The following RAB21 variants were observed in gnomAD, a reference collection of about 807,000 sequenced individuals.
The protein encoded by RAB21 is RAB21, member RAS oncogene family, also known as ras-related protein Rab-21.
Under a neutral mutation model 33.1 loss-of-function variants are expected in RAB21, and 13 were observed. The ratio of observed to expected loss-of-function variants is 0.39; its 90% CI spans 0.26 to 0.62. RAB21 has a LOEUF of 0.62. Ranked by LOEUF, RAB21 falls within the 20% of genes least tolerant of loss-of-function variation. RAB21 has a pLI of 0.48. For missense variants in RAB21, 234 were observed against 279.1 expected, an observed-to-expected ratio of 0.84 and a Z score of 1.15; for synonymous variants, 91 against 103.7, an observed-to-expected ratio of 0.88 and a Z score of 0.74.
At chr12:71,761,027 A>T (rs1416885315) in intron 1 of RAB21, among the ~76,000 whole-genome samples, 5 of 151,590 alleles carry the variant, frequency 3.3e-5, no homozygotes, top group Non-Finnish European at 5.9e-5. Flanking sequence ...TAATGTAGCA[A>T]GAGTCCATCT....
chr12:71,779,610 G>A (rs17110270), intron 4 of RAB21, among the ~76,000 whole-genome samples: 5,779 of 152,284 alleles, frequency 0.038, 169 homozygotes, highest in South Asian at 0.11. Context: ...TATATCATTA[G>A]GCCATTTGCC....
rs1057455295 is a variant in RAB21, at chr12:71,799,696, A to C, written c.*14023A>C. The C allele has an allele frequency of 6.6e-6, 1 of 152,240 alleles. No individual in the cohort carries two copies. The highest frequency in any genetic ancestry group is 1.5e-5 in the Non-Finnish European group (1 of 68,036). The allele number at this position is 152,240 out of a possible 1,614,324, so 9.4% of individuals were successfully genotyped here. ...CAACAGGAATATTAAGTTTTTAAAA[A>C]AAGCCAGGGCAGAACAGTCTGTATA... On this transcript the variant is annotated 3_prime_UTR_variant, in exon 7 of 7. Coordinates refer to ENST00000261263, the MANE Select transcript of RAB21 (RefSeq NM_014999.4).
At position 71,796,664 on chromosome 12, in the gene RAB21, TCC is replaced by T. The variant is rs1269475832; in HGVS notation, c.*10995_*10996del. The T allele has an allele frequency of 2.2e-5, 3 of 136,650 alleles. 1 individual carries two copies. Among genetic ancestry groups the T allele is most frequent in the African/African-American group, 8.9e-5 (3 of 33,724 alleles). 8.5% of individuals were successfully genotyped at this position (136,650 alleles called of 1,614,324 possible). A position where few individuals can be genotyped will look rare whatever the true frequency, so the allele number is the denominator to read the frequency against. ...AATTTTAAGCTTTACTGGTCATTTG[TCC>T]CCCTCATGTTGTACCTAATAAGTGT... On this transcript the variant is annotated 3_prime_UTR_variant, in exon 7 of 7. Transcript: ENST00000261263.
rs903206471 is a variant in RAB21, at chr12:71,778,965, T to A, written c.392-3066T>A. 9.8e-5 allele frequency among the ~76,000 whole-genome samples: 15 copies of A among 152,328 alleles called. No homozygotes were observed. The East Asian group carries it at 2.9e-3, about 29-fold the overall frequency. ...AGTTTGTATTACCTGTCATGGACTTTAATTGTCTTACAACAATATTGACTT... is the reference window on the plus strand; with the variant it reads ...AGTTTGTATTACCTGTCATGGACTTAAATTGTCTTACAACAATATTGACTT... On this transcript the variant is annotated intron_variant, in intron 4 of 6. Coordinates refer to ENST00000261263, the MANE Select transcript of RAB21 (RefSeq NM_014999.4).
chr12:71,777,007 G>A (rs77405694), intron 4 of RAB21, among the ~76,000 whole-genome samples: 6,485 of 152,176 alleles, frequency 0.043, 331 homozygotes, highest in East Asian at 0.13. Context: ...TGCAATAAAC[G>A]AATTTTTCTT....
chr12:71,775,119 C>G (rs575452818), intron 4 of RAB21, among the ~76,000 whole-genome samples: 1 of 152,174 alleles, frequency 6.6e-6, no homozygotes, highest in African/African-American at 2.4e-5. Context: ...TTTTGGACTT[C>G]TGGAATTTCT....
chr12:71,756,786 G>A (rs1445582563), intron 1 of RAB21, among the ~76,000 whole-genome samples: 4 of 152,188 alleles, frequency 2.6e-5, no homozygotes, highest in Non-Finnish European at 5.9e-5. Context: ...AGTAACAATA[G>A]CTAACATTTA....
chr12:71,777,598 CTTGGCATAGAGGTAAACAT>C (rs1252734700), intron 4 of RAB21, among the ~76,000 whole-genome samples: 1 of 152,132 alleles, frequency 6.6e-6, no homozygotes, highest in Non-Finnish European at 1.5e-5. Flanking sequence ...TTGAAAAATA[CTTGGCATAGAGGTAAACAT>C]TTGACAAGAA....
intron 4 of RAB21, among the ~76,000 whole-genome samples, chr12:71,779,743 G>A (rs1292225847): frequency 6.6e-6 from 1 of 152,130 alleles, no homozygotes; most frequent in Non-Finnish European, 1.5e-5. Flanking sequence ...ATTTGTTTAT[G>A]TTTTTAATTC....
rs1333977023 is a variant in RAB21, at chr12:71,798,688, TAATC to T, written c.*13018_*13021del. The T allele has an allele frequency of 1.3e-4, 20 of 152,220 alleles. No individual in the cohort carries two copies. Among genetic ancestry groups the T allele is most frequent in the African/African-American group, 4.1e-4 (17 of 41,462 alleles). The allele number at this position is 152,220 out of a possible 1,614,324, so 9.4% of individuals were successfully genotyped here. A position where few individuals can be genotyped will look rare whatever the true frequency, so the allele number is the denominator to read the frequency against. The stretch of plus-strand genomic sequence containing the variant: ...CTGAGATACCAGTTTTTTAACCTAT[TAATC>T]AAGAAAGACTTTTTAGTTTTATAAA... On this transcript the variant is annotated 3_prime_UTR_variant, in exon 7 of 7. Transcript: ENST00000261263.
chr12:71,780,285 A>T (rs1471339130), intron 4 of RAB21, among the ~76,000 whole-genome samples: 1 of 152,194 alleles, frequency 6.6e-6, no homozygotes, highest in Non-Finnish European at 1.5e-5. Flanking sequence ...CCTAGAAAAA[A>T]ATTCCATAGG....
chr12:71,766,451 T>C (rs997443468), intron 1 of RAB21, among the ~76,000 whole-genome samples: 11 of 152,146 alleles, frequency 7.2e-5, no homozygotes, highest in African/African-American at 2.7e-4. Context: ...GGGTAACAAT[T>C]ATCTCTGACT....
rs555374836 is a variant in RAB21 at position 71,767,068 on chromosome 12, C to T, written c.160-2732C>T. Among the ~76,000 whole-genome samples the T allele has an allele frequency of 2.6e-5, 4 of 152,276 alleles. No individual in the cohort carries two copies. The East Asian group carries it at 7.7e-4, about 29-fold the overall frequency. On this transcript the variant is annotated intron_variant, in intron 1 of 6. Coordinates refer to ENST00000261263, the MANE Select transcript of RAB21 (RefSeq NM_014999.4). ...AATAAATGTTAGCTAGTATTAGCAG[C>T]AGTAGTAGAAATGACTGTGTAGTGT...
At chr12:71,777,894 T>C (rs1435913032) in intron 4 of RAB21, among the ~76,000 whole-genome samples, 2 of 152,218 alleles carry the variant, frequency 1.3e-5, no homozygotes, top group African/African-American at 4.8e-5. Flanking sequence ...ACTGGCCTTC[T>C]ATCAGGATTG....
chr12:71,769,941 C>T (rs1883016833), intron 2 of RAB21, 82 bp downstream of exon 2: 1 of 595,792 alleles, frequency 1.7e-6, no homozygotes, highest in Non-Finnish European at 2.5e-6. Context: ...GCTTAGCCAA[C>T]ACTTTTTTTT....
rs576188780 is a variant in RAB21 at position 71,799,473 on chromosome 12, C to T, written c.*13800C>T. 1 of 152,304 alleles carries T rather than the reference C, an allele frequency of 6.6e-6. No individual in the cohort carries two copies. Among genetic ancestry groups the T allele is most frequent in the South Asian group, 2.1e-4 (1 of 4,832 alleles). 9.4% of individuals were successfully genotyped at this position (152,304 alleles called of 1,614,324 possible). A position where few individuals can be genotyped will look rare whatever the true frequency, so the allele number is the denominator to read the frequency against. The stretch of plus-strand genomic sequence containing the variant: ...GTCTTTTCTTTTGACCTAGCAGTTT[C>T]ACTTCTTGGAATATATCCTGTAAAT... On this transcript the variant is annotated 3_prime_UTR_variant, in exon 7 of 7. Coordinates refer to ENST00000261263, the MANE Select transcript of RAB21 (RefSeq NM_014999.4).
intron 1 of RAB21, among the ~76,000 whole-genome samples, chr12:71,768,414 A>C (rs912541989): frequency 6.6e-6 from 1 of 152,130 alleles, no homozygotes; most frequent in Non-Finnish European, 1.5e-5. Flanking sequence ...AAATGTGACT[A>C]TCTCTATACA....
chr12:71,766,627 T>C (rs1882964913), intron 1 of RAB21, among the ~76,000 whole-genome samples: 1 of 152,124 alleles, frequency 6.6e-6, no homozygotes, highest in South Asian at 2.1e-4. Context: ...TATAAGACAG[T>C]ATAAGCTGCA....
intron 6 of RAB21, among the ~76,000 whole-genome samples, 162 bp from the exon 7 acceptor site, chr12:71,785,369 T>C (rs999098236): frequency 1.3e-5 from 2 of 152,256 alleles, no homozygotes; most frequent in Non-Finnish European, 2.9e-5. Context: ...TTTTAAAACA[T>C]GCAGGTGAAG....
Sources: allele counts gnomAD v4.1 joint callset (sites outside exome capture counted in the v4.1 genomes callset), GRCh38; gene constraint gnomAD v4.1.1; transcripts MANE v1.5; gene names NCBI Gene and HGNC (gene_info 2026-07-23, HGNC 2026-07-21).